Variants in SPPL2B observed in about 807,000 individuals in gnomAD.
SPPL2B encodes signal peptide peptidase-like 2B.
SPPL2B carries 39 observed loss-of-function variants against 59.7 expected under a neutral mutation model. The observed-to-expected ratio is 0.65, with a 90% CI of 0.51 to 0.85. The LOEUF (loss-of-function observed/expected upper bound fraction) is 0.85, where lower values mean the gene tolerates loss of function less well. Among genes scored for constraint, SPPL2B ranks in the 40% least tolerant of loss-of-function variants. The pLI is 0.00. For missense variants in SPPL2B, 865 were observed against 849.0 expected (o/e 1.02, Z -0.23); for synonymous variants, 419 against 370.8 (o/e 1.13, Z -1.49).
In SPPL2B at chr19:2,353,087, T is replaced by G. The variant is rs759843641; in HGVS notation, c.1657T>G (p.Ser553Ala). 4.3e-6 allele frequency: 7 copies of G among 1,611,422 alleles called. No homozygotes were observed. The South Asian group carries it at 7.7e-5, about 18-fold the overall frequency. ...SPWPAEQSPK[S>A]RTSEEMGAGA... is the part of the protein sequence containing the mutation. Reference sequence around the variant, plus strand: ...CTGGCCTGCTGAGCAGTCCCCAAAATCACGCACGTCCGAGGAGATGGGGGC... The same window carrying G: ...CTGGCCTGCTGAGCAGTCCCCAAAAGCACGCACGTCCGAGGAGATGGGGGC... Residue 553 changes from serine (S) to alanine (A), a missense_variant, in exon 15 of 15, where the codon TCA becomes GCA. Physicochemically the swap from Ser to Ala is moderately conservative, Grantham distance 99. Transcript: ENST00000613503.
intron 13 of SPPL2B, among the ~76,000 whole-genome samples, chr19:2,348,769 G>A (rs1306273173): frequency 5.1e-4 from 61 of 119,256 alleles, no homozygotes; most frequent in Non-Finnish European, 9.0e-4. Flanking sequence ...ACACTCACGC[G>A]CTCTCATTCG....
chr19:2,349,003 C>T (rs1205629273), intron 13 of SPPL2B, among the ~76,000 whole-genome samples: 2 of 143,084 alleles, frequency 1.4e-5, no homozygotes, highest in Admixed American at 6.9e-5. Context: ...CTCACGCTCT[C>T]ATTCGCTTGA....
chr19:2,330,963 G>A (rs73520548), intron 1 of SPPL2B, among the ~76,000 whole-genome samples: 29,870 of 152,162 alleles, frequency 0.2, 4,491 homozygotes, highest in African/African-American at 0.42. Flanking sequence ...GCAGTGCTTC[G>A]CGGCAGTGGA....
rs540012970 is a variant in SPPL2B at position 2,354,870 on chromosome 19, A to C, written c.*1661A>C. 1 of 152,254 alleles carries C rather than the reference A, an allele frequency of 6.6e-6. No individual in the cohort carries two copies. Among genetic ancestry groups the C allele is most frequent in the South Asian group, 2.1e-4 (1 of 4,826 alleles). The allele number at this position is 152,254 out of a possible 1,614,324, so 9.4% of individuals were successfully genotyped here. On this transcript the variant is annotated 3_prime_UTR_variant, in exon 15 of 15. Transcript: ENST00000613503. ...CTGCTCTGTGCAGGTCCCGGTGAGC[A>C]GAACTGAGAGCTGGCAGGCCGCCTG...
At position 2,332,902 on chromosome 19, in the gene SPPL2B, G is replaced by T. The variant is rs1486296556; in HGVS notation, c.67-1700G>T. Among the ~76,000 whole-genome samples the T allele has an allele frequency of 6.6e-6, 1 of 151,974 alleles. No individual in the cohort carries two copies. The highest frequency in any genetic ancestry group is 1.5e-5 in the Non-Finnish European group (1 of 67,998). ...GTCAGCTGCTGGGTGGGGGCCCTGG[G>T]CAGGGGAGCAGAAGGAAGGTGGGGA... On this transcript the variant is annotated intron_variant, in intron 1 of 14. Transcript: ENST00000613503. This position sits in a 1 kb window ranked among gnomAD's most constrained non-coding sequence, Gnocchi z 4.6.
At chr19:2,351,788 T>G (rs1599259611) in intron 14 of SPPL2B, 194 bp downstream of exon 14, 1 of 363,364 alleles carries the variant, frequency 2.8e-6, no homozygotes, top group South Asian at 4.0e-5. Context: ...CTGTGCCGGG[T>G]GGGATGCGGG....
At chr19:2,351,395 G>T in intron 13 of SPPL2B, 39 bp from the exon 14 acceptor site, 2 of 1,533,266 alleles carry the variant, frequency 1.3e-6, no homozygotes, top group Non-Finnish European at 1.8e-6. Flanking sequence ...GGTGGCCCTG[G>T]CCTGCCTGGC....
intron 2 of SPPL2B, chr19:2,337,137 C>T (rs1396140088): frequency 2.4e-5 from 7 of 290,976 alleles, no homozygotes; most frequent in Admixed American, 1.0e-4. Context: ...GGTGGGGCTG[C>T]GGTGGGGACC....
At chr19:2,346,324 CT>C (rs1969367005) in intron 13 of SPPL2B, among the ~76,000 whole-genome samples, 1 of 152,260 alleles carries the variant, frequency 6.6e-6, no homozygotes, top group Admixed American at 6.5e-5. Context: ...GCAGGTGCCC[CT>C]GGCTTTCCCC....
At position 2,344,057 on chromosome 19, in the gene SPPL2B, C is replaced by T. The variant is rs1969213406; in HGVS notation, c.1113+18C>T. On this transcript the variant is annotated intron_variant, in intron 10 of 14. Coordinates refer to ENST00000613503, the MANE Select transcript of SPPL2B (RefSeq NM_152988.3). ...TGACCAAGGTAGGCGACTGCCTGTCCCTGCTCCACCCCATCACCCCGCTCC... is the reference window on the plus strand; with the variant it reads ...TGACCAAGGTAGGCGACTGCCTGTCTCTGCTCCACCCCATCACCCCGCTCC... The T allele has an allele frequency of 2.0e-6, 3 of 1,533,392 alleles. No individual in the cohort carries two copies. Among genetic ancestry groups the T allele is most frequent in the Admixed American group, 2.0e-5 (1 of 50,842 alleles). 95.0% of individuals were successfully genotyped at this position (1,533,392 alleles called of 1,614,324 possible). A position where few individuals can be genotyped will look rare whatever the true frequency, so the allele number is the denominator to read the frequency against.
intron 13 of SPPL2B, 117 bp downstream of exon 13, chr19:2,345,447 C>CG: frequency 2.4e-6 from 2 of 847,384 alleles, no homozygotes; most frequent in South Asian, 3.0e-5. Flanking sequence ...AATTCCAACT[C>CG]TAACACCGTA....
chr19:2,345,411 C>A, intron 13 of SPPL2B, 81 bp downstream of exon 13: 1 of 1,188,124 alleles, frequency 8.4e-7, no homozygotes, highest in African/African-American at 1.5e-5. Context: ...ACCCTGACCC[C>A]TAACCCCAAC....
chr19:2,338,621 A>C, intron 3 of SPPL2B, 131 bp from the exon 4 acceptor site: 1 of 577,378 alleles, frequency 1.7e-6, no homozygotes, highest in South Asian at 2.2e-5. Context: ...GCAGAGGGGG[A>C]GCCAGCAGGC....
intron 7 of SPPL2B, chr19:2,340,390 G>C (rs1968957619): frequency 6.5e-6 from 4 of 614,480 alleles, no homozygotes; most frequent in Non-Finnish European, 1.2e-5. Context: ...GGTGGCGGGG[G>C]GAGGGTGCCC....
At chr19:2,339,374 C>G (rs76865962) in intron 5 of SPPL2B, among the ~76,000 whole-genome samples, 166 bp downstream of exon 5, 15,813 of 152,276 alleles carry the variant, frequency 0.1, 924 homozygotes, top group Non-Finnish European at 0.12. Context: ...CAGAATCAGT[C>G]TCTTTTCCTG....
intron 2 of SPPL2B, among the ~76,000 whole-genome samples, 176 bp downstream of exon 2, chr19:2,334,897 T>A (rs1968475822): frequency 6.6e-6 from 1 of 152,114 alleles, no homozygotes; most frequent in Non-Finnish European, 1.5e-5. Context: ...ACCCTGGTCA[T>A]CAATGCAAGC....
chr19:2,340,822 C>T (rs927778780), intron 7 of SPPL2B, 76 bp from the exon 8 acceptor site: 78 of 841,860 alleles, frequency 9.3e-5, no homozygotes, highest in African/African-American at 4.4e-4. Flanking sequence ...GTGCCTGGGC[C>T]GGTCCCAAGG....
rs1209660525 is a variant in SPPL2B at position 2,345,246 on chromosome 19, C to T, written c.1277-7C>T. On this transcript the variant is annotated splice_region_variant and splice_polypyrimidine_tract_variant and intron_variant, in intron 12 of 14. Transcript: ENST00000613503. The stretch of plus-strand genomic sequence containing the variant: ...CCGAGTAAGCCTCCGCCCTGTGCCT[C>T]CCCCAGGGCTGCTGGTGGCCTACTG... The T allele has an allele frequency of 6.2e-7, 1 of 1,611,998 alleles. No individual in the cohort carries two copies. Among genetic ancestry groups the T allele is most frequent in the South Asian group, 1.1e-5 (1 of 91,052 alleles).
At position 2,332,342 on chromosome 19, in the gene SPPL2B, G is replaced by C. The variant is rs963325851; in HGVS notation, c.67-2260G>C. 1.3e-5 allele frequency among the ~76,000 whole-genome samples: 2 copies of C among 152,344 alleles called. No individual in the cohort carries two copies. The highest frequency in any genetic ancestry group is 3.4e-3 in the Middle Eastern group (1 of 294). ...CCCGGCTGTTGGAGAGCCCGTCTGT[G>C]CCTGTGTGCTGGGGTTGGTGTCTGG... On this transcript the variant is annotated intron_variant, in intron 1 of 14. Coordinates refer to ENST00000613503, the MANE Select transcript of SPPL2B (RefSeq NM_152988.3). The surrounding 1 kb of genome is among the most constrained non-coding windows in gnomAD (Gnocchi z 4.6).
Sources: gnomAD v4.1 joint callset for allele counts (sites outside exome capture counted in the v4.1 genomes callset) on GRCh38, gnomAD v4.1.1 for gene constraint, Gnocchi (gnomAD v3.1) non-coding constraint, MANE v1.5 for transcripts, NCBI Gene and HGNC (gene_info 2026-07-23, HGNC 2026-07-21) for gene names.